Variants in AGMO observed in about 807,000 individuals in gnomAD.
AGMO encodes glyceryl-ether monooxygenase.
Under a neutral mutation model 60.2 loss-of-function variants are expected in AGMO, and 75 were observed. The observed-to-expected ratio is 1.25, with a 90% CI of 1.03 to 1.51. AGMO has a LOEUF of 1.51. Among genes scored for constraint, AGMO ranks in the 40% most tolerant of loss-of-function variants. The pLI, the probability that AGMO is intolerant of heterozygous loss-of-function variation, is 0.00. For missense variants in AGMO, 763 were observed against 525.5 expected (o/e 1.45, Z -4.42); for synonymous variants, 261 against 177.1 (o/e 1.47, Z -3.76).
chr7:15,481,393 C>T (rs1583597053), intron 3 of AGMO, among the ~76,000 whole-genome samples: 1 of 152,104 alleles, frequency 6.6e-6, no homozygotes. Flanking sequence ...TAAAGCTTAA[C>T]ATGAAGAAGA....
chr7:15,365,489 G>A (rs1347469640), intron 12 of AGMO, 25 bp downstream of exon 12: 2 of 1,529,974 alleles, frequency 1.3e-6, no homozygotes, highest in Non-Finnish European at 1.8e-6. Context: ...ACGCCATCCT[G>A]TGGCTACCTA....
chr7:15,366,022 A>C lies in AGMO; in HGVS notation c.1157+118T>G, dbSNP rs566080028. The stretch of plus-strand genomic sequence containing the variant: ...AAAATAATGAGAAGTCAAATACCAA[A>C]ATTTTATATTTATTTTTAAAACTAC... On this transcript the variant is annotated intron_variant, in intron 11 of 12. Coordinates refer to ENST00000342526, the MANE Select transcript of AGMO (RefSeq NM_001004320.2). The C allele has an allele frequency of 2.4e-4, 169 of 718,974 alleles. No homozygotes were observed. In the African/African-American group the frequency reaches 2.9e-3, roughly 12 times the overall value. The allele number at this position is 718,974 out of a possible 1,614,324, so 44.5% of individuals were successfully genotyped here.
chr7:15,131,145 T>G, the AGMO span, among the ~76,000 whole-genome samples: 53 of 152,222 alleles, frequency 3.5e-4, no homozygotes, highest in Non-Finnish European at 6.9e-4. Flanking sequence ...TTTCATAGCC[T>G]CATAGGAGTC....
intron 12 of AGMO, among the ~76,000 whole-genome samples, chr7:15,349,054 G>GT (rs1192372685): frequency 1.1e-4 from 16 of 152,074 alleles, no homozygotes; most frequent in Admixed American, 3.9e-4. Context: ...TGATTTATAA[G>GT]TAACACTTTA....
chr7:15,267,174 G>T (rs1260971076), intron 12 of AGMO, among the ~76,000 whole-genome samples: 2 of 151,880 alleles, frequency 1.3e-5, no homozygotes, highest in East Asian at 3.9e-4. Context: ...CAAAAAATTG[G>T]CAGAGATTTT....
At chr7:15,199,482 G>A (rs1781218248), downstream of AGMO, among the ~76,000 whole-genome samples, 1 of 152,078 alleles carries the variant, frequency 6.6e-6, no homozygotes, top group African/African-American at 2.4e-5. Context: ...ACATATTTAT[G>A]TATCATTCCT....
chr7:15,527,289 G>A (rs888953833), intron 3 of AGMO, among the ~76,000 whole-genome samples: 11 of 152,182 alleles, frequency 7.2e-5, no homozygotes, highest in African/African-American at 2.7e-4. Flanking sequence ...TTCTAGTCCA[G>A]TGAACATATG....
intron 3 of AGMO, among the ~76,000 whole-genome samples, chr7:15,506,278 CTT>C (rs11339519): frequency 6.8e-4 from 103 of 151,568 alleles, no homozygotes; most frequent in African/African-American, 1.9e-3. Flanking sequence ...ATTACTATTA[CTT>C]TTTTTTTACA....
At chr7:15,380,339 A>C (rs1345771863) in intron 10 of AGMO, among the ~76,000 whole-genome samples, 1 of 152,162 alleles carries the variant, frequency 6.6e-6, no homozygotes, top group Non-Finnish European at 1.5e-5. Flanking sequence ...CATATGCAAA[A>C]ATCACTGGCA....
At chr7:15,195,991 T>C (rs1488195182), downstream of AGMO, among the ~76,000 whole-genome samples, 2 of 151,910 alleles carry the variant, frequency 1.3e-5, no homozygotes, top group African/African-American at 2.4e-5. Context: ...ATTTTCTGGC[T>C]CAGTTCCTCC....
chr7:15,184,363 G>GAAGGAAGGAAAGAAGAGACGGAGGAAGA, the AGMO span, among the ~76,000 whole-genome samples: 2 of 5,504 alleles, frequency 3.6e-4, no homozygotes, highest in Non-Finnish European at 7.4e-4. Context: ...GGGAGGGAAG[G>GAAGGAAGGAAAGAAGAGACGGAGGAAGA]AAGGGAAGGA....
intron 12 of AGMO, among the ~76,000 whole-genome samples, chr7:15,272,596 G>A (rs1416275231): frequency 5.3e-5 from 8 of 152,208 alleles, no homozygotes; most frequent in African/African-American, 1.7e-4. Flanking sequence ...ATGTATGTGT[G>A]CATGTATCTT....
intron 12 of AGMO, among the ~76,000 whole-genome samples, chr7:15,348,277 T>C (rs997256006): frequency 6.6e-6 from 1 of 152,020 alleles, no homozygotes; most frequent in African/African-American, 2.4e-5. Context: ...GGAGAAACCC[T>C]CATCAATATA....
intron 12 of AGMO, among the ~76,000 whole-genome samples, chr7:15,315,428 C>T (rs2065355827): frequency 7.6e-6 from 1 of 131,128 alleles, no homozygotes; most frequent in Admixed American, 1.0e-4. Flanking sequence ...ACCTCCGATT[C>T]CCTAGTTCAA....
At chr7:15,459,312 G>C (rs531252019) in intron 3 of AGMO, among the ~76,000 whole-genome samples, 2 of 152,102 alleles carry the variant, frequency 1.3e-5, no homozygotes, top group African/African-American at 4.8e-5. Flanking sequence ...AAAAGGGTTC[G>C]TTTATGCAAA....
chr7:15,184,984 C>G, the AGMO span, among the ~76,000 whole-genome samples: 1 of 152,060 alleles, frequency 6.6e-6, no homozygotes, highest in African/African-American at 2.4e-5. Flanking sequence ...GTCGTGAAAG[C>G]TACAATTGAA....
intron 3 of AGMO, among the ~76,000 whole-genome samples, chr7:15,525,125 G>C (rs1303024225): frequency 6.6e-6 from 1 of 152,072 alleles, no homozygotes; most frequent in Admixed American, 6.6e-5. Context: ...TTCAGGCACA[G>C]CAACTGAGAA....
At chr7:15,177,923 C>T in the AGMO span, among the ~76,000 whole-genome samples, 1 of 152,098 alleles carries the variant, frequency 6.6e-6, no homozygotes, top group East Asian at 1.9e-4. Context: ...ATATGTCTCT[C>T]AATAAAAAAT....
intron 2 of AGMO, among the ~76,000 whole-genome samples, chr7:15,548,017 G>C (rs577313617): frequency 0.054 from 7,902 of 145,752 alleles, 256 homozygotes; most frequent in Middle Eastern, 0.1. Flanking sequence ...CCCTGACACC[G>C]GAGCAGCCTA....
Sources: gnomAD v4.1 joint callset for allele counts (sites outside exome capture counted in the v4.1 genomes callset) on GRCh38, gnomAD v4.1.1 for gene constraint, MANE v1.5 for transcripts, NCBI Gene and HGNC (gene_info 2026-07-23, HGNC 2026-07-21) for gene names.